RP1: variants seen among roughly 807,000 people sequenced by gnomAD.
The protein encoded by RP1 is RP1 axonemal microtubule associated.
RP1 carries 16 observed loss-of-function variants against 14.8 expected under a neutral mutation model. That is an observed-to-expected ratio of 1.08 (90% CI 0.73 to 1.65). The LOEUF (loss-of-function observed/expected upper bound fraction) is 1.65, where lower values mean the gene tolerates loss of function less well. Ranked by LOEUF, RP1 falls within the 40% of genes most tolerant of loss-of-function variation. The probability of loss-of-function intolerance (pLI) is 0.00; values close to 1 mark genes in which losing one functional copy is unlikely to be tolerated. For synonymous variants in RP1, 876 were observed against 883.6 expected, an observed-to-expected ratio of 0.99 and a Z score of 0.15; for missense variants, 2,631 against 2,535.0, an observed-to-expected ratio of 1.04 and a Z score of -0.81.
At chr8:54,567,541 C>T (rs1804435382) in intron 1 of RP1, among the ~76,000 whole-genome samples, 3 of 152,020 alleles carry the variant, frequency 2.0e-5, no homozygotes, top group Non-Finnish European at 4.4e-5. Flanking sequence ...AAAAATACTA[C>T]TACTGGTTTT....
chr8:54,832,379 T>C (rs1811551192), intron 24 of RP1, among the ~76,000 whole-genome samples: 1 of 151,890 alleles, frequency 6.6e-6, no homozygotes, highest in Non-Finnish European at 1.5e-5. Context: ...TCTTCAAGTT[T>C]ACTGACTTTT....
At chr8:54,638,437 CA>C (rs35957110) in intron 3 of RP1, among the ~76,000 whole-genome samples, 71,477 of 122,508 alleles carry the variant, frequency 0.58, 19,397 homozygotes, top group Middle Eastern at 0.71. Context: ...GACTCCATCT[CA>C]AAAAAAAAAA....
chr8:54,781,462 AT>A (rs1030264206), intron 23 of RP1, among the ~76,000 whole-genome samples: 1 of 152,148 alleles, frequency 6.6e-6, no homozygotes, highest in African/African-American at 2.4e-5. Context: ...TATTCTTTTG[AT>A]TTTTTTGGCG....
intron 1 of RP1, among the ~76,000 whole-genome samples, chr8:54,602,526 T>C (rs1020782412): frequency 1.3e-5 from 2 of 152,046 alleles, no homozygotes; most frequent in African/African-American, 4.8e-5. Flanking sequence ...TAGCAGCATG[T>C]TTTATAATCC....
chr8:54,684,690 A>C (rs1203285689), intron 12 of RP1, among the ~76,000 whole-genome samples: 1 of 151,078 alleles, frequency 6.6e-6, no homozygotes, highest in Admixed American at 6.6e-5. Flanking sequence ...TGTCCATTTG[A>C]CTCTTTTTTC....
intron 24 of RP1, among the ~76,000 whole-genome samples, chr8:54,826,037 C>T (rs1239081271): frequency 6.6e-6 from 1 of 152,122 alleles, no homozygotes; most frequent in Non-Finnish European, 1.5e-5. Flanking sequence ...CCACTGCACT[C>T]CAGCCTTGGT....
chr8:54,660,965 C>A (rs960589109), intron 6 of RP1, among the ~76,000 whole-genome samples: 1 of 151,708 alleles, frequency 6.6e-6, no homozygotes, highest in African/African-American at 2.4e-5. Flanking sequence ...CTCTCTCCAA[C>A]TTTAGCATAG....
chr8:54,689,943 G>C (rs1807669899), intron 12 of RP1, among the ~76,000 whole-genome samples: 1 of 151,896 alleles, frequency 6.6e-6, no homozygotes. Context: ...TTTCATAGGG[G>C]ATATAGCTTC....
chr8:54,801,550 T>C (rs1158827369), intron 24 of RP1, among the ~76,000 whole-genome samples: 2 of 151,990 alleles, frequency 1.3e-5, no homozygotes, highest in Non-Finnish European at 1.5e-5. Flanking sequence ...ACAGGGGAGA[T>C]AGAGGAGACA....
chr8:54,778,322 T>A (rs1431968778), intron 23 of RP1, among the ~76,000 whole-genome samples: 1 of 1,354 alleles, frequency 7.4e-4, no homozygotes, highest in Non-Finnish European at 4.8e-3. Context: ...CTTCTTCTTC[T>A]TTTTTTTTTT....
chr8:54,564,154 C>T (rs1804349952), intron 1 of RP1, among the ~76,000 whole-genome samples: 1 of 152,180 alleles, frequency 6.6e-6, no homozygotes, highest in Admixed American at 6.5e-5. Flanking sequence ...GATGCCATTA[C>T]AGTGGTGGTC....
chr8:54,684,171 C>T (rs775230300), intron 12 of RP1, among the ~76,000 whole-genome samples: 1 of 151,984 alleles, frequency 6.6e-6, no homozygotes, highest in Non-Finnish European at 1.5e-5. Context: ...CCAACTTGAT[C>T]GTGATGGATA....
At chr8:54,566,266 C>T (rs933224584) in intron 1 of RP1, among the ~76,000 whole-genome samples, 1 of 152,200 alleles carries the variant, frequency 6.6e-6, no homozygotes, top group African/African-American at 2.4e-5. Flanking sequence ...TCTTCAACTT[C>T]TCTCCACCCC....
At chr8:54,790,749 G>T (rs532204840) in intron 24 of RP1, among the ~76,000 whole-genome samples, 1 of 152,134 alleles carries the variant, frequency 6.6e-6, no homozygotes, top group Non-Finnish European at 1.5e-5. Flanking sequence ...TAAAGAAGAA[G>T]AAAGAATCAG....
intron 6 of RP1, among the ~76,000 whole-genome samples, chr8:54,663,358 T>C (rs779652716): frequency 3.3e-5 from 5 of 152,158 alleles, no homozygotes; most frequent in Non-Finnish European, 7.3e-5. Context: ...AGTTATTGAA[T>C]TGATATGGAA....
At chr8:54,637,164 C>G (rs1298225296) in intron 3 of RP1, among the ~76,000 whole-genome samples, 1 of 152,166 alleles carries the variant, frequency 6.6e-6, no homozygotes, top group East Asian at 1.9e-4. Context: ...TGGACCTCAT[C>G]TGGATCAACA....
downstream of RP1, among the ~76,000 whole-genome samples, chr8:54,770,645 CA>C (rs1809878865): frequency 6.7e-6 from 1 of 149,510 alleles, no homozygotes; most frequent in African/African-American, 2.4e-5. Flanking sequence ...TTTCATGTCA[CA>C]AAAAGTAACC....
At chr8:54,697,182 CT>C (rs1174062439) in intron 12 of RP1, 16 of 759,824 alleles carry the variant, frequency 2.1e-5, no homozygotes, top group East Asian at 5.4e-5. Flanking sequence ...CATGTGTTTC[CT>C]TTTTTTGGGG....
At chr8:54,778,159 T>G (rs547959111) in intron 23 of RP1, among the ~76,000 whole-genome samples, 1 of 152,268 alleles carries the variant, frequency 6.6e-6, no homozygotes, top group East Asian at 1.9e-4. Context: ...AAGGCTAAAA[T>G]GTGCCCTTCA....
Sources: gnomAD v4.1 joint callset for allele counts (sites outside exome capture counted in the v4.1 genomes callset) on GRCh38, gnomAD v4.1.1 for gene constraint, MANE v1.5 for transcripts, NCBI Gene and HGNC (gene_info 2026-07-23, HGNC 2026-07-21) for gene names.